The following C7 variants were observed in gnomAD, a reference collection of about 807,000 sequenced individuals.
The protein encoded by C7 is complement component C7.
In C7, 83 loss-of-function variants were observed where a neutral mutation model predicts 104.8. The observed-to-expected ratio is 0.79, with a 90% CI of 0.66 to 0.95. The LOEUF is 0.95. Among genes scored for constraint, C7 ranks in the 40% least tolerant of loss-of-function variants. The probability of loss-of-function intolerance (pLI) is 0.00; values close to 1 mark genes in which losing one functional copy is unlikely to be tolerated. For missense variants in C7, 1,070 were observed against 1,011.2 expected, an observed-to-expected ratio of 1.06 and a Z score of -0.79; for synonymous variants, 415 against 360.6, an observed-to-expected ratio of 1.15 and a Z score of -1.71.
intron 16 of C7, among the ~76,000 whole-genome samples, 182 bp from the exon 17 acceptor site, chr5:40,979,543 T>C (rs989211084): frequency 5.3e-5 from 8 of 151,986 alleles, no homozygotes. Flanking sequence ...ATATCTTCAT[T>C]TTGAAGACCT....
intron 1 of C7, among the ~76,000 whole-genome samples, chr5:40,920,050 T>C (rs570109326): frequency 7.2e-5 from 11 of 152,088 alleles, no homozygotes; most frequent in African/African-American, 2.7e-4. Context: ...TAAAATAAGT[T>C]CTTTTTTGAA....
chr5:40,944,553 A>G (rs901124595), intron 6 of C7, among the ~76,000 whole-genome samples: 4 of 152,216 alleles, frequency 2.6e-5, no homozygotes, highest in Admixed American at 6.5e-5. Flanking sequence ...TTGACACTTG[A>G]TCTAAAGCAA....
intron 6 of C7, 54 bp downstream of exon 6, chr5:40,937,744 T>C: frequency 7.1e-7 from 1 of 1,403,256 alleles, no homozygotes; most frequent in Non-Finnish European, 9.7e-7. Context: ...GCATTATTTA[T>C]ATGATATTGA....
At chr5:40,918,949 G>GACAC (rs138558983) in intron 1 of C7, among the ~76,000 whole-genome samples, 21,610 of 138,124 alleles carry the variant, frequency 0.16, 1,862 homozygotes, top group East Asian at 0.23. Context: ...GAATCTAACA[G>GACAC]ACACACACAC....
intron 17 of C7, among the ~76,000 whole-genome samples, chr5:40,980,533 G>A (rs1740920288): frequency 6.6e-6 from 1 of 152,210 alleles, no homozygotes; most frequent in African/African-American, 2.4e-5. Flanking sequence ...CTAACACTAT[G>A]TTTAAGTAGT....
intron 17 of C7, 62 bp from the exon 18 acceptor site, chr5:40,981,330 A>G: frequency 6.9e-7 from 1 of 1,448,516 alleles, no homozygotes; most frequent in Non-Finnish European, 9.5e-7. Flanking sequence ...TTTGGAGGTG[A>G]TGTTCTTTGA....
intron 1 of C7, among the ~76,000 whole-genome samples, chr5:40,927,530 C>T (rs1190283177): frequency 5.9e-5 from 9 of 151,534 alleles, no homozygotes; most frequent in Admixed American, 5.9e-4. Context: ...ATATGGAGCT[C>T]AAACAACTCA....
chr5:40,929,357 C>T (rs1739628060), intron 2 of C7, among the ~76,000 whole-genome samples: 1 of 152,176 alleles, frequency 6.6e-6, no homozygotes, highest in Non-Finnish European at 1.5e-5. Flanking sequence ...GAAGCCCTCT[C>T]CATTTCCCCA....
chr5:40,980,683 CTA>C (rs1331723400), intron 17 of C7, among the ~76,000 whole-genome samples: 1 of 152,200 alleles, frequency 6.6e-6, no homozygotes, highest in African/African-American at 2.4e-5. Context: ...GAGCTGGACT[CTA>C]TGACTTGTAA....
At chr5:40,948,238 C>T (rs368790104) in intron 8 of C7, among the ~76,000 whole-genome samples, 1 of 99,862 alleles carries the variant, frequency 1.0e-5, no homozygotes, top group South Asian at 3.2e-4. Flanking sequence ...TTGTTTTTTA[C>T]CCTCTCATTC....
intron 10 of C7, among the ~76,000 whole-genome samples, chr5:40,956,619 A>G (rs1484569613): frequency 6.6e-6 from 1 of 152,276 alleles, no homozygotes; most frequent in Non-Finnish European, 1.5e-5. Context: ...TATCAAAACA[A>G]ACATTATAGC....
At chr5:40,971,804 T>C (rs1263030840) in intron 14 of C7, among the ~76,000 whole-genome samples, 2 of 152,144 alleles carry the variant, frequency 1.3e-5, no homozygotes, top group Non-Finnish European at 2.9e-5. Flanking sequence ...TTTCTGCATA[T>C]GGCTTGCCGG....
At chr5:40,961,851 A>G (rs1249721435) in intron 12 of C7, among the ~76,000 whole-genome samples, 1 of 152,148 alleles carries the variant, frequency 6.6e-6, no homozygotes, top group Admixed American at 6.5e-5. Context: ...TGTTTTTCAT[A>G]CTACTGACCT....
chr5:40,945,272 A>T lies in C7; in HGVS notation c.642A>T (p.Glu214Asp), dbSNP rs773824131. ...CTTATGTAAAACATACGTCGACAGA[A>T]CACACATCATCTAGTCGGAAGCGCT... The part of the protein sequence containing the change: ...TWSYVKHTST[E>D]HTSSSRKRSF... Residue 214 changes from glutamate to aspartate, a missense_variant, in exon 7 of 18, where the codon GAA becomes GAT. Transcript: ENST00000313164. 5.6e-6 allele frequency: 9 copies of T among 1,597,984 alleles called. No individual in the cohort carries two copies. The highest frequency in any genetic ancestry group is 1.3e-5 in the African/African-American group (1 of 74,516).
chr5:40,935,662 C>T (rs1206254985), intron 4 of C7, among the ~76,000 whole-genome samples: 1 of 151,376 alleles, frequency 6.6e-6, no homozygotes, highest in Non-Finnish European at 1.5e-5. Context: ...TCTGGTATGA[C>T]TAGGGTATAA....
chr5:40,934,126 C>T (rs941951724), intron 3 of C7, among the ~76,000 whole-genome samples, 199 bp from the exon 4 acceptor site: 2 of 151,782 alleles, frequency 1.3e-5, no homozygotes, highest in Non-Finnish European at 2.9e-5. Context: ...CAACATGTTG[C>T]TTAACTCAAG....
At chr5:40,964,188 A>G (rs1740493199) in intron 13 of C7, among the ~76,000 whole-genome samples, 1 of 151,306 alleles carries the variant, frequency 6.6e-6, no homozygotes, top group African/African-American at 2.4e-5. Flanking sequence ...GACTACAGGC[A>G]TGCACCACCA....
rs1740510826 is a variant in C7 at position 40,964,867 on chromosome 5, T to C, written c.1876T>C (p.Cys626Arg). ...DLRWLVGEMHCQKIACVLPVL... is the reference protein window; with the variant it reads ...DLRWLVGEMHRQKIACVLPVL... ...ACGGTGGCTTGTTGGGGAAATGCATTGTCAGAGTGAGTGGCGTCAGTTGTA... is the reference window on the plus strand; with the variant it reads ...ACGGTGGCTTGTTGGGGAAATGCATCGTCAGAGTGAGTGGCGTCAGTTGTA... Residue 626 changes from cysteine (C) to arginine (R), a missense_variant, in exon 14 of 18, where the codon TGT becomes CGT. By Grantham distance (180) the Cys-to-Arg change is radical. Transcript: ENST00000313164. 2.5e-6 allele frequency: 4 copies of C among 1,613,572 alleles called. No homozygotes were observed. Among genetic ancestry groups the C allele is most frequent in the Non-Finnish European group, 3.4e-6 (4 of 1,179,726 alleles).
At chr5:40,911,726 CTTTTTCTTTCTTTCTTT>C (rs1739211465) in intron 1 of C7, among the ~76,000 whole-genome samples, 1 of 149,912 alleles carries the variant, frequency 6.7e-6, no homozygotes, top group African/African-American at 2.4e-5. Flanking sequence ...ATACCACACA[CTTTTTCTTTCTTTCTTT>C]TTTTTTTTTT....
Sources: allele counts gnomAD v4.1 joint callset (sites outside exome capture counted in the v4.1 genomes callset), GRCh38; gene constraint gnomAD v4.1.1; transcripts MANE v1.5; gene names NCBI Gene and HGNC (gene_info 2026-07-23, HGNC 2026-07-21).